The following NRXN3 variants were observed in gnomAD, a reference collection of about 807,000 sequenced individuals.
NRXN3 encodes neurexin III.
NRXN3 carries 32 observed loss-of-function variants against 137.6 expected under a neutral mutation model. The observed-to-expected ratio is 0.23, with a 90% CI of 0.18 to 0.31. The LOEUF (loss-of-function observed/expected upper bound fraction) is 0.31, where lower values mean the gene tolerates loss of function less well. Ranked by LOEUF, NRXN3 falls within the 10% of genes least tolerant of loss-of-function variation. The pLI, the probability that NRXN3 is intolerant of heterozygous loss-of-function variation, is 1.00. For missense variants in NRXN3, 1,574 were observed against 2,062.5 expected (o/e 0.76, Z 4.59); for synonymous variants, 798 against 784.5 (o/e 1.02, Z -0.29).
intron 10 of NRXN3, among the ~76,000 whole-genome samples, chr14:78,904,350 T>G (rs1395775153): frequency 6.6e-6 from 1 of 151,988 alleles, no homozygotes; most frequent in Non-Finnish European, 1.5e-5. Flanking sequence ...TCACCACAAC[T>G]GAGAATTGTC....
intron 1 of NRXN3, among the ~76,000 whole-genome samples, chr14:78,225,386 C>T (rs2064411750): frequency 6.6e-6 from 1 of 152,172 alleles, no homozygotes; most frequent in Non-Finnish European, 1.5e-5. Context: ...TTTTTGGCTG[C>T]ATAAATGTCT....
intron 15 of NRXN3, among the ~76,000 whole-genome samples, chr14:79,096,886 ATCTAGT>A (rs892083695): frequency 1.3e-5 from 2 of 152,128 alleles, no homozygotes; most frequent in Non-Finnish European, 2.9e-5. Context: ...CCACTGACAA[ATCTAGT>A]TCTGAGAGTG....
chr14:79,507,020 G>A (rs184829782), intron 16 of NRXN3, among the ~76,000 whole-genome samples: 1 of 152,108 alleles, frequency 6.6e-6, no homozygotes, highest in Admixed American at 6.5e-5. Flanking sequence ...GATATTAAAG[G>A]TTCAGGGCAT....
Position 78,503,155 on chromosome 14 carries a change from T to A in NRXN3, c.758-141965T>A, listed in dbSNP as rs73322313. Among the ~76,000 whole-genome samples, 290 of 152,294 alleles carry A rather than the reference T, an allele frequency of 1.9e-3. 1 individual carries two copies. The highest frequency in any genetic ancestry group is 6.3e-3 in the African/African-American group (261 of 41,572). On this transcript the variant is annotated intron_variant, in intron 4 of 20. Coordinates refer to ENST00000335750, the MANE Select transcript of NRXN3 (RefSeq NM_001330195.2). ...CATTATTTGCAATCTGTTTATTTAGTTAGTAGCAAATCCTGGCACATTAGC... is the reference window on the plus strand; with the variant it reads ...CATTATTTGCAATCTGTTTATTTAGATAGTAGCAAATCCTGGCACATTAGC...
At chr14:79,273,879 G>A (rs1302318475) in intron 15 of NRXN3, among the ~76,000 whole-genome samples, 1 of 151,606 alleles carries the variant, frequency 6.6e-6, no homozygotes, top group Admixed American at 6.6e-5. Context: ...GGCAGATCAC[G>A]AGGTCAGGAG....
At chr14:79,560,716 T>C (rs889814183) in intron 16 of NRXN3, among the ~76,000 whole-genome samples, 1 of 151,782 alleles carries the variant, frequency 6.6e-6, no homozygotes, top group Non-Finnish European at 1.5e-5. Context: ...TTTTTTTGTA[T>C]TTTTAGTAGA....
intron 16 of NRXN3, among the ~76,000 whole-genome samples, chr14:79,650,842 A>C (rs1437225398): frequency 6.6e-6 from 1 of 152,204 alleles, no homozygotes; most frequent in Non-Finnish European, 1.5e-5. Flanking sequence ...GTGCAAACTG[A>C]AATGGATGGT....
At chr14:78,572,089 CTCT>C (rs1346079044) in intron 4 of NRXN3, among the ~76,000 whole-genome samples, 1 of 152,170 alleles carries the variant, frequency 6.6e-6, no homozygotes, top group Non-Finnish European at 1.5e-5. Flanking sequence ...TTTTTCAAAG[CTCT>C]TTGTTCAAGT....
intron 15 of NRXN3, among the ~76,000 whole-genome samples, chr14:79,330,228 G>T (rs950851014): frequency 2.6e-5 from 4 of 152,158 alleles, no homozygotes; most frequent in African/African-American, 4.8e-5. Context: ...GGGAGCTATT[G>T]TGAGAGTCCA....
intron 2 of NRXN3, chr14:78,250,141 TG>T (rs1184221328): frequency 2.0e-6 from 1 of 512,160 alleles, no homozygotes; most frequent in South Asian, 1.4e-5. Flanking sequence ...CCCAAGATTG[TG>T]CAGGTATTAA....
chr14:79,365,830 G>GT (rs1342966458), intron 15 of NRXN3, among the ~76,000 whole-genome samples: 1 of 144,664 alleles, frequency 6.9e-6, no homozygotes, highest in Non-Finnish European at 1.5e-5. Flanking sequence ...ATATAGTTTT[G>GT]TTTTTTTAAA....
chr14:78,543,544 A>G (rs1302748355), intron 4 of NRXN3, among the ~76,000 whole-genome samples: 2 of 151,672 alleles, frequency 1.3e-5, no homozygotes, highest in African/African-American at 4.8e-5. Context: ...TAAGCATAGC[A>G]TCTCTCTTGG....
intron 15 of NRXN3, among the ~76,000 whole-genome samples, chr14:79,197,104 T>C (rs185778968): frequency 1.3e-5 from 2 of 152,314 alleles, no homozygotes; most frequent in Non-Finnish European, 2.9e-5. Context: ...TTTCTGTTTC[T>C]ACAGGTTAAT....
chr14:79,858,015 C>G (rs1034311823), intron 20 of NRXN3, among the ~76,000 whole-genome samples: 3 of 152,124 alleles, frequency 2.0e-5, no homozygotes, highest in African/African-American at 7.2e-5. Context: ...AGATGGCATA[C>G]CCATCATTTT....
intron 15 of NRXN3, among the ~76,000 whole-genome samples, chr14:79,059,714 A>G (rs1330155315): frequency 6.6e-6 from 1 of 152,200 alleles, no homozygotes; most frequent in Non-Finnish European, 1.5e-5. Context: ...GTCACAAGAT[A>G]ACCATCCTTT....
intron 1 of NRXN3, among the ~76,000 whole-genome samples, chr14:78,189,712 A>G (rs1247577103): frequency 1.3e-5 from 2 of 152,086 alleles, no homozygotes; most frequent in Non-Finnish European, 2.9e-5. Context: ...CAGCTTCCCA[A>G]GTAGCTGGGA....
chr14:79,717,915 G>GA (rs1214569461), intron 19 of NRXN3, among the ~76,000 whole-genome samples: 3 of 152,228 alleles, frequency 2.0e-5, no homozygotes, highest in Admixed American at 6.5e-5. Context: ...ATTTTTTTGG[G>GA]AGAGCAGGGT....
Position 78,457,334 on chromosome 14 carries a change from G to T in NRXN3, c.757+159474G>T, listed in dbSNP as rs572201874. On this transcript the variant is annotated intron_variant, in intron 4 of 20. Coordinates refer to ENST00000335750, the MANE Select transcript of NRXN3 (RefSeq NM_001330195.2). ...GGCATGAGCCACCACGCCCAGCCAG[G>T]ATTACTTCTTGATGGAGGATTTGTG... 3.9e-5 allele frequency among the ~76,000 whole-genome samples: 6 copies of T among 152,258 alleles called. No homozygotes were observed. In the East Asian group the frequency reaches 1.2e-3, roughly 29 times the overall value.
rs74921536 is a variant in NRXN3, at chr14:79,409,142, G to A, written c.3263-58079G>A. 7.8e-3 allele frequency among the ~76,000 whole-genome samples: 1,185 copies of A among 152,140 alleles called. 17 individuals are homozygous for A. Among genetic ancestry groups the A allele is most frequent in the African/African-American group, 0.026 (1,081 of 41,538 alleles). On this transcript the variant is annotated intron_variant, in intron 15 of 20. Coordinates refer to ENST00000335750, the MANE Select transcript of NRXN3 (RefSeq NM_001330195.2). ...CTGAGTAAACTGCAATCTTTGCAAAGTGAATTAATATATGAATGCTTGCTA... is the reference window on the plus strand; with the variant it reads ...CTGAGTAAACTGCAATCTTTGCAAAATGAATTAATATATGAATGCTTGCTA...
Sources: allele counts gnomAD v4.1 joint callset (sites outside exome capture counted in the v4.1 genomes callset), GRCh38; gene constraint gnomAD v4.1.1; transcripts MANE v1.5; gene names NCBI Gene and HGNC (gene_info 2026-07-23, HGNC 2026-07-21).